CTDSPL: variants seen among roughly 807,000 people sequenced by gnomAD.
The protein encoded by CTDSPL is CTD small phosphatase-like protein.
A neutral mutation model predicts 30.5 loss-of-function variants in CTDSPL; 8 were observed. The ratio of observed to expected loss-of-function variants is 0.26; its 90% CI spans 0.15 to 0.47. The LOEUF (loss-of-function observed/expected upper bound fraction) is 0.47. CTDSPL is among the 20% of genes least tolerant of loss of function. CTDSPL has a pLI of 0.99. For missense variants in CTDSPL, 248 were observed against 366.1 expected (o/e 0.68, Z 2.63); for synonymous variants, 110 against 137.9 (o/e 0.80, Z 1.42).
intron 1 of CTDSPL, among the ~76,000 whole-genome samples, chr3:37,915,664 A>G (rs1698637490): frequency 6.6e-6 from 1 of 152,162 alleles, no homozygotes; most frequent in Non-Finnish European, 1.5e-5. Context: ...AGAAACTTCA[A>G]TTTTATCTTT....
chr3:37,939,657 C>T (rs968410819), intron 1 of CTDSPL, among the ~76,000 whole-genome samples: 1 of 150,306 alleles, frequency 6.7e-6, no homozygotes, highest in Admixed American at 6.7e-5. Context: ...TGTCATTACT[C>T]CTATCTCATA....
intron 1 of CTDSPL, among the ~76,000 whole-genome samples, chr3:37,888,678 T>A (rs1416490809): frequency 6.6e-6 from 1 of 152,242 alleles, no homozygotes; most frequent in Non-Finnish European, 1.5e-5. Flanking sequence ...TATCATAACA[T>A]AATGCTCAGA....
chr3:37,900,796 T>G (rs1559628412), intron 1 of CTDSPL, among the ~76,000 whole-genome samples: 1 of 150,252 alleles, frequency 6.7e-6, no homozygotes, highest in South Asian at 2.1e-4. Flanking sequence ...ATACTTATTT[T>G]TATTATTATT....
Position 37,957,452 on chromosome 3 carries a change from C to T in CTDSPL, c.267+309C>T, listed in dbSNP as rs116043047. 1.7e-3 allele frequency among the ~76,000 whole-genome samples: 253 copies of T among 152,310 alleles called. 1 individual carries two copies. Among genetic ancestry groups the T allele is most frequent in the African/African-American group, 5.8e-3 (241 of 41,552 alleles). Reference sequence around the variant, plus strand: ...ACAAGCTGAGGTTGCTCAGAGGCCTCACCCACACCCCACTATCTTAGCCTC... The same window carrying T: ...ACAAGCTGAGGTTGCTCAGAGGCCTTACCCACACCCCACTATCTTAGCCTC... On this transcript the variant is annotated intron_variant, in intron 3 of 7. Transcript: ENST00000273179.
chr3:37,933,102 A>T (rs1698874330), intron 1 of CTDSPL, among the ~76,000 whole-genome samples: 1 of 151,422 alleles, frequency 6.6e-6, no homozygotes, highest in African/African-American at 2.4e-5. Context: ...GTGGTGAGTC[A>T]AGACCGCTCC....
chr3:37,974,150 T>A (rs750013648), intron 6 of CTDSPL, among the ~76,000 whole-genome samples: 9 of 152,248 alleles, frequency 5.9e-5, no homozygotes, highest in Non-Finnish European at 1.2e-4. Flanking sequence ...AAAGATGGGA[T>A]ACCCCTGATC....
intron 4 of CTDSPL, 25 bp downstream of exon 4, chr3:37,964,697 C>T: frequency 6.6e-7 from 1 of 1,510,598 alleles, no homozygotes; most frequent in Non-Finnish European, 9.2e-7. Flanking sequence ...AAAAAAAATC[C>T]ATGATCTTTG....
intron 1 of CTDSPL, among the ~76,000 whole-genome samples, chr3:37,876,884 G>A (rs912977663): frequency 2.6e-5 from 4 of 151,788 alleles, no homozygotes; most frequent in Non-Finnish European, 5.9e-5. Flanking sequence ...GAGGCGGGTG[G>A]ATCACGAGGT....
chr3:37,866,304 T>C (rs1251197478), intron 1 of CTDSPL, among the ~76,000 whole-genome samples: 1 of 152,042 alleles, frequency 6.6e-6, no homozygotes, highest in Non-Finnish European at 1.5e-5. Flanking sequence ...ATAAACAGTA[T>C]GGTTCCTACC....
At chr3:37,942,411 G>A (rs1251262993) in intron 1 of CTDSPL, among the ~76,000 whole-genome samples, 4 of 150,562 alleles carry the variant, frequency 2.7e-5, no homozygotes, top group South Asian at 4.3e-4. Context: ...GGGAGGCCGA[G>A]GCAAGCAGAT....
chr3:37,905,497 A>C (rs1698503932), intron 1 of CTDSPL, among the ~76,000 whole-genome samples: 1 of 152,230 alleles, frequency 6.6e-6, no homozygotes, highest in Non-Finnish European at 1.5e-5. Context: ...CTCGTGGGTC[A>C]ATGCACAGCT....
intron 1 of CTDSPL, among the ~76,000 whole-genome samples, chr3:37,935,108 G>A (rs1235984785): frequency 6.6e-6 from 1 of 152,154 alleles, no homozygotes; most frequent in African/African-American, 2.4e-5. Context: ...CCCTCCAGTT[G>A]CTATGTGCTG....
At chr3:37,957,071 C>T in intron 2 of CTDSPL, 40 bp from the exon 3 acceptor site, 1 of 1,567,506 alleles carries the variant, frequency 6.4e-7, no homozygotes, top group South Asian at 1.2e-5. Context: ...ATGATCTTCT[C>T]TTCGAACCTG....
intron 1 of CTDSPL, among the ~76,000 whole-genome samples, chr3:37,919,059 T>A (rs1462689221): frequency 3.4e-4 from 52 of 152,312 alleles, no homozygotes; most frequent in Non-Finnish European, 1.5e-5. Context: ...GTTGGCTGAA[T>A]GGATTCCATG....
chr3:37,866,555 A>C (rs1275905753), intron 1 of CTDSPL, among the ~76,000 whole-genome samples: 2 of 152,220 alleles, frequency 1.3e-5, no homozygotes, highest in African/African-American at 4.8e-5. Flanking sequence ...GAAGGGAAAG[A>C]AATAATTTGA....
At position 37,964,591 on chromosome 3, in the gene CTDSPL, T is replaced by C. The variant is rs1699279433; in HGVS notation, c.288T>C (p.Leu96=). 6.2e-7 allele frequency: 1 copy of C among 1,613,782 alleles called. No homozygotes were observed. The highest frequency in any genetic ancestry group is 1.1e-5 in the South Asian group (1 of 91,080). Residue 96 remains leucine (L), a synonymous_variant, in exon 4 of 8, where the codon CTT becomes CTC. Coordinates refer to ENST00000273179, the MANE Select transcript of CTDSPL (RefSeq NM_001008392.2). ...TTTAGCCACCAGCTAAGTACCTTCT[T>C]CCAGAGGTGACGGTGCTTGACTATG... ...PIPSPPAKYL[L]PEVTVLDYGK... is the part of the protein sequence containing the mutation.
intron 1 of CTDSPL, among the ~76,000 whole-genome samples, chr3:37,913,438 C>A (rs1299831055): frequency 6.6e-6 from 1 of 152,208 alleles, no homozygotes; most frequent in African/African-American, 2.4e-5. Context: ...TATATTCAGG[C>A]TGGCTGGAAT....
At chr3:37,866,050 C>G (rs1698005795) in intron 1 of CTDSPL, among the ~76,000 whole-genome samples, 1 of 152,174 alleles carries the variant, frequency 6.6e-6, no homozygotes, top group Non-Finnish European at 1.5e-5. Flanking sequence ...AGTTTCTGTT[C>G]TAGAGAAATA....
intron 7 of CTDSPL, among the ~76,000 whole-genome samples, chr3:37,979,353 A>G (rs547334241): frequency 1.3e-5 from 2 of 151,994 alleles, no homozygotes; most frequent in East Asian, 3.8e-4. Flanking sequence ...CTGTAATCCT[A>G]GCACTTTGGG....
Sources: gnomAD v4.1 joint callset for allele counts (sites outside exome capture counted in the v4.1 genomes callset) on GRCh38, gnomAD v4.1.1 for gene constraint, MANE v1.5 for transcripts, NCBI Gene and HGNC (gene_info 2026-07-23, HGNC 2026-07-21) for gene names.